ATP5F1A: variants seen among roughly 807,000 people sequenced by gnomAD.
ATP5F1A encodes ATP synthase F1 subunit alpha.
A neutral mutation model predicts 57.4 loss-of-function variants in ATP5F1A; 24 were observed. The observed-to-expected ratio is 0.42, with a 90% confidence interval of 0.30 to 0.59. The LOEUF (loss-of-function observed/expected upper bound fraction) is 0.59. ATP5F1A is among the 20% of genes least tolerant of loss of function. The pLI, the probability that ATP5F1A is intolerant of heterozygous loss-of-function variation, is 0.19. For missense variants in ATP5F1A, 494 were observed against 707.9 expected (o/e 0.70, Z 3.43); for synonymous variants, 251 against 255.5 (o/e 0.98, Z 0.17).
At chr18:46,084,422 C>T in intron 11 of ATP5F1A, 59 bp from the exon 12 acceptor site, 2 of 1,583,308 alleles carry the variant, frequency 1.3e-6, no homozygotes, top group Non-Finnish European at 1.7e-6. Flanking sequence ...TAATGACTAG[C>T]CTAACTACAG....
intron 1 of ATP5F1A, among the ~76,000 whole-genome samples, chr18:46,095,460 G>A (rs1424041924): frequency 1.3e-5 from 2 of 151,932 alleles, no homozygotes; most frequent in South Asian, 2.1e-4. Flanking sequence ...GACTACAGGG[G>A]TGCGCCACCT....
intron 10 of ATP5F1A, 99 bp from the exon 11 acceptor site, chr18:46,084,753 T>C (rs774959235): frequency 6.2e-5 from 78 of 1,264,746 alleles, no homozygotes; most frequent in Non-Finnish European, 7.6e-5. Flanking sequence ...ATTCCTAACA[T>C]GTCCCTGTAA....
chr18:46,094,492 C>T (rs142094384), intron 2 of ATP5F1A, among the ~76,000 whole-genome samples: 1 of 152,222 alleles, frequency 6.6e-6, no homozygotes, highest in East Asian at 1.9e-4. Context: ...CATGGTGAAA[C>T]CTTGTCTCTA....
chr18:46,084,744 T>A, intron 10 of ATP5F1A, 90 bp from the exon 11 acceptor site: 1 of 1,321,146 alleles, frequency 7.6e-7, no homozygotes, highest in Non-Finnish European at 1.0e-6. Context: ...TTTTCTCCAA[T>A]TCCTAACATG....
rs139399471 is a variant in ATP5F1A at position 46,084,650 on chromosome 18, G to A, written c.1434C>T (p.Pro478=). Residue 478 remains proline, a synonymous_variant, in exon 11 of 12, where the codon CCC becomes CCT. Transcript: ENST00000398752. ...CAGCCACTTGTTCTTCAATAGCCATGGGAGCTGAAAAGATACAAGAAGAAT... is the reference window on the plus strand; with the variant it reads ...CAGCCACTTGTTCTTCAATAGCCATAGGAGCTGAAAAGATACAAGAAGAAT... ...TELLKQGQYS[P]MAIEEQVAVI... 2.5e-6 allele frequency: 4 copies of A among 1,575,242 alleles called. No homozygotes were observed. In the African/African-American group the frequency reaches 5.5e-5, roughly 22 times the overall value.
At chr18:46,089,098 C>T (rs960668395) in intron 5 of ATP5F1A, among the ~76,000 whole-genome samples, 9 of 151,902 alleles carry the variant, frequency 5.9e-5, no homozygotes, top group East Asian at 1.9e-4. Flanking sequence ...TCCCCCACAC[C>T]GAGATAGTAG....
In ATP5F1A at chr18:46,083,056, AT is replaced by A. The variant is rs1383652398; in HGVS notation, c.*1225del. 1.3e-5 allele frequency: 2 copies of A among 152,064 alleles called. No individual in the cohort carries two copies. The highest frequency in any genetic ancestry group is 2.9e-5 in the Non-Finnish European group (2 of 68,034). The allele number at this position is 152,064 out of a possible 1,614,324, so 9.4% of individuals were successfully genotyped here. On this transcript the variant is annotated 3_prime_UTR_variant, in exon 12 of 12. Coordinates refer to ENST00000398752, the MANE Select transcript of ATP5F1A (RefSeq NM_004046.6). ...CAGAGCAAGACTCTGTCTCAAAAAA[AT>A]AAATAAATCAGTAAAAAAAATTTAA... is the stretch of plus-strand genomic sequence containing the variant.
chr18:46,103,511 G>T (rs575158276), intron 1 of ATP5F1A, among the ~76,000 whole-genome samples: 2 of 144,306 alleles, frequency 1.4e-5, no homozygotes, highest in South Asian at 4.4e-4. Flanking sequence ...TGAGGCAGGA[G>T]AATCGCTTGA....
chr18:46,090,583 A>AGCAAAAAG (rs1382062826), intron 3 of ATP5F1A, among the ~76,000 whole-genome samples: 1 of 152,220 alleles, frequency 6.6e-6, no homozygotes, highest in Non-Finnish European at 1.5e-5. Flanking sequence ...TCATGTCTGA[A>AGCAAAAAG]GCAAAAAGGC....
Position 46,086,342 on chromosome 18 carries a change from T to G in ATP5F1A, c.1284+45A>C, listed in dbSNP as rs572836398. 1.1e-5 allele frequency: 18 copies of G among 1,611,200 alleles called. No homozygotes were observed. In the African/African-American group the frequency reaches 2.3e-4, roughly 20 times the overall value. Reference sequence around the variant, plus strand: ...TTAATATATTAATACCTTAAGATGCTAATCTAATGATAGCCCCCTTACTGC... The same window carrying G: ...TTAATATATTAATACCTTAAGATGCGAATCTAATGATAGCCCCCTTACTGC... On this transcript the variant is annotated intron_variant, in intron 9 of 11. Transcript: ENST00000398752.
At chr18:46,087,863 A>G in intron 6 of ATP5F1A, 1 of 496,168 alleles carries the variant, frequency 2.0e-6, no homozygotes, top group East Asian at 3.9e-5. Flanking sequence ...CTGGGCAACA[A>G]GAGTGAAACT....
At chr18:46,094,927 C>A in intron 2 of ATP5F1A, 126 bp downstream of exon 2, 2 of 1,300,798 alleles carry the variant, frequency 1.5e-6, no homozygotes, top group South Asian at 2.3e-5. Context: ...GGTTTAAGAA[C>A]CTGAGAGTCT....
At position 46,087,193 on chromosome 18, in the gene ATP5F1A, G is replaced by A; in HGVS notation, c.991C>T (p.Pro331Ser). Residue 331 changes from proline (P) to serine (S), a missense_variant, in exon 8 of 12, where the codon CCC becomes TCC. Pro to Ser is a moderately conservative substitution (Grantham distance 74). Coordinates refer to ENST00000398752, the MANE Select transcript of ATP5F1A (RefSeq NM_004046.6). ...YRQMSLLLRR[P>S]PGREAYPGDV... ...CCAGGATAGGCCTCACGACCAGGGG[G>A]TCGGCGGAGCAACAGAGACATCTGA... The A allele has an allele frequency of 1.2e-6, 2 of 1,614,238 alleles. No homozygotes were observed. Among genetic ancestry groups the A allele is most frequent in the Non-Finnish European group, 1.7e-6 (2 of 1,180,044 alleles).
At chr18:46,097,955 C>A in intron 1 of ATP5F1A, 1 of 1,296,120 alleles carries the variant, frequency 7.7e-7, no homozygotes, top group East Asian at 3.0e-5. Context: ...TGGACACCAT[C>A]GAGTTAACTG....
At chr18:46,089,498 G>A in intron 5 of ATP5F1A, 68 bp downstream of exon 5, 1 of 1,561,614 alleles carries the variant, frequency 6.4e-7, no homozygotes, top group Non-Finnish European at 8.8e-7. Context: ...ACCATTCCAA[G>A]ACTAAAATAT....
At chr18:46,095,824 T>C (rs974565604) in intron 1 of ATP5F1A, among the ~76,000 whole-genome samples, 1 of 152,090 alleles carries the variant, frequency 6.6e-6, no homozygotes, top group Non-Finnish European at 1.5e-5. Flanking sequence ...GATTTCATCA[T>C]ATTGCCCAGA....
chr18:46,103,366 C>G (rs1223856010), intron 1 of ATP5F1A, among the ~76,000 whole-genome samples: 6 of 151,708 alleles, frequency 4.0e-5, no homozygotes, highest in African/African-American at 9.7e-5. Context: ...TTTGGGAGGC[C>G]AAGGCGGGCG....
intron 3 of ATP5F1A, 63 bp from the exon 4 acceptor site, chr18:46,090,059 T>C: frequency 3.4e-6 from 2 of 582,396 alleles, no homozygotes; most frequent in Admixed American, 4.7e-5. Flanking sequence ...CATACACCAA[T>C]ACTACATAAG....
chr18:46,089,955 G>C lies in ATP5F1A; in HGVS notation c.351C>G (p.Val117=). ...TAATTAGTTTATCATTTCCAAACACGACAACACCAACATTGTCAGGTTCCA... is the reference window on the plus strand; with the variant it reads ...TAATTAGTTTATCATTTCCAAACACCACAACACCAACATTGTCAGGTTCCA... ...LNLEPDNVGV[V]VFGNDKLIKE... Residue 117 remains valine (V), a synonymous_variant, in exon 4 of 12, where the codon GTC becomes GTG. Transcript: ENST00000398752. 1.9e-6 allele frequency: 3 copies of C among 1,610,412 alleles called. No homozygotes were observed. The highest frequency in any genetic ancestry group is 2.5e-6 in the Non-Finnish European group (3 of 1,178,836).
Sources: gnomAD v4.1 joint callset for allele counts (sites outside exome capture counted in the v4.1 genomes callset) on GRCh38, gnomAD v4.1.1 for gene constraint, MANE v1.5 for transcripts, NCBI Gene and HGNC (gene_info 2026-07-23, HGNC 2026-07-21) for gene names.